The following INSYN2B variants were observed in gnomAD, a reference collection of about 807,000 sequenced individuals.
INSYN2B encodes the protein inhibitory synaptic factor family member 2B.
A neutral mutation model predicts 41.2 loss-of-function variants in INSYN2B; 16 were observed. The ratio of observed to expected loss-of-function variants is 0.39; its 90% CI spans 0.26 to 0.59. INSYN2B has a LOEUF of 0.59. Ranked by LOEUF, INSYN2B falls within the 20% of genes least tolerant of loss-of-function variation. The probability of loss-of-function intolerance (pLI) is 0.57; values close to 1 mark genes in which losing one functional copy is unlikely to be tolerated. For missense variants in INSYN2B, 608 were observed against 646.4 expected (o/e 0.94, Z 0.64); for synonymous variants, 245 against 244.4 (o/e 1.00, Z -0.02).
intron 1 of INSYN2B, among the ~76,000 whole-genome samples, chr5:169,889,718 G>A (rs1002708350): frequency 1.3e-5 from 2 of 152,196 alleles, no homozygotes; most frequent in African/African-American, 2.4e-5. Flanking sequence ...TGCCATTGTG[G>A]CAAGAAATAA....
intron 3 of INSYN2B, among the ~76,000 whole-genome samples, chr5:169,870,178 G>A (rs551503976): frequency 1.1e-4 from 16 of 152,246 alleles, no homozygotes; most frequent in African/African-American, 2.4e-4. Flanking sequence ...ACGGAGCCAC[G>A]TTGCATTTAG....
At chr5:169,873,425 C>G (rs1021399914) in intron 3 of INSYN2B, among the ~76,000 whole-genome samples, 1 of 152,210 alleles carries the variant, frequency 6.6e-6, no homozygotes, top group Admixed American at 6.5e-5. Context: ...CACGGCCCAG[C>G]ATTTGAAATA....
chr5:169,872,351 C>A (rs1772033588), intron 3 of INSYN2B, among the ~76,000 whole-genome samples: 1 of 152,196 alleles, frequency 6.6e-6, no homozygotes, highest in African/African-American at 2.4e-5. Context: ...AGTCTCGGAT[C>A]ACAGGAACTT....
chr5:169,939,578 G>A (rs1416306555), intron 1 of INSYN2B, among the ~76,000 whole-genome samples: 5 of 152,012 alleles, frequency 3.3e-5, no homozygotes, highest in Non-Finnish European at 7.4e-5. Context: ...TTTATATGAC[G>A]GGCAGCACAG....
chr5:169,942,832 A>G (rs887808248), intron 1 of INSYN2B, among the ~76,000 whole-genome samples: 1 of 152,030 alleles, frequency 6.6e-6, no homozygotes, highest in Non-Finnish European at 1.5e-5. Flanking sequence ...CTTGGTCTGA[A>G]CTCTTCCTTT....
At chr5:169,937,785 T>A (rs1416361262) in intron 1 of INSYN2B, among the ~76,000 whole-genome samples, 1 of 152,256 alleles carries the variant, frequency 6.6e-6, no homozygotes, top group Non-Finnish European at 1.5e-5. Flanking sequence ...GGGTCCTCAT[T>A]GTCCCTGGAC....
chr5:169,949,280 CT>C (rs1296652019), intron 1 of INSYN2B, among the ~76,000 whole-genome samples: 1 of 152,288 alleles, frequency 6.6e-6, no homozygotes, highest in African/African-American at 2.4e-5. Flanking sequence ...CCCTCCTGTT[CT>C]TTACTTCCCA....
intron 1 of INSYN2B, among the ~76,000 whole-genome samples, chr5:169,971,459 C>A (rs1352181839): frequency 7.0e-6 from 1 of 141,962 alleles, no homozygotes; most frequent in Non-Finnish European, 1.5e-5. Context: ...TGAAAGACAT[C>A]AGAAGGAATG....
chr5:169,868,994 C>T (rs888008618), intron 3 of INSYN2B, among the ~76,000 whole-genome samples: 4 of 152,148 alleles, frequency 2.6e-5, no homozygotes, highest in South Asian at 2.1e-4. Context: ...TCTCTTCCCA[C>T]GGCTCAGTTG....
intron 1 of INSYN2B, among the ~76,000 whole-genome samples, chr5:169,942,712 C>A (rs1052006675): frequency 2.0e-5 from 3 of 152,140 alleles, no homozygotes; most frequent in Non-Finnish European, 4.4e-5. Context: ...GACACAGCTC[C>A]TGCCCTCCAC....
intron 1 of INSYN2B, among the ~76,000 whole-genome samples, chr5:169,978,614 CTCT>C (rs1333154140): frequency 6.6e-6 from 1 of 152,088 alleles, no homozygotes; most frequent in East Asian, 1.9e-4. Flanking sequence ...TACTGGGTTT[CTCT>C]TCTTCTCTCT....
intron 1 of INSYN2B, among the ~76,000 whole-genome samples, chr5:169,938,891 T>C (rs1382261127): frequency 1.3e-5 from 2 of 149,664 alleles, no homozygotes; most frequent in African/African-American, 4.9e-5. Flanking sequence ...CAAGCATTTT[T>C]CTTTCTTTTT....
At chr5:169,937,847 C>A (rs1776064837) in intron 1 of INSYN2B, among the ~76,000 whole-genome samples, 3 of 152,186 alleles carry the variant, frequency 2.0e-5, no homozygotes, top group Admixed American at 6.5e-5. Flanking sequence ...ACACTGAAAT[C>A]AAATATTTCT....
chr5:169,935,419 C>T (rs1364845169), intron 1 of INSYN2B, among the ~76,000 whole-genome samples: 1 of 152,148 alleles, frequency 6.6e-6, no homozygotes, highest in Non-Finnish European at 1.5e-5. Flanking sequence ...TTCTTGTGTG[C>T]TAAGTCACCA....
chr5:169,972,268 C>T (rs1354551801), intron 1 of INSYN2B, among the ~76,000 whole-genome samples: 1 of 152,106 alleles, frequency 6.6e-6, no homozygotes, highest in African/African-American at 2.4e-5. Flanking sequence ...CAAACCTTAC[C>T]TATAGCATGC....
intron 3 of INSYN2B, among the ~76,000 whole-genome samples, chr5:169,880,337 T>TA (rs1772566746): frequency 6.6e-6 from 1 of 152,220 alleles, no homozygotes; most frequent in Non-Finnish European, 1.5e-5. Flanking sequence ...TATGGTCTCT[T>TA]ACTCATTGAA....
chr5:169,974,913 G>A (rs938664458), intron 1 of INSYN2B, among the ~76,000 whole-genome samples: 1 of 151,904 alleles, frequency 6.6e-6, no homozygotes, highest in Non-Finnish European at 1.5e-5. Flanking sequence ...TTAAAAACTG[G>A]GGTATCCTGA....
chr5:169,959,717 A>T (rs1777006026), intron 1 of INSYN2B, among the ~76,000 whole-genome samples: 1 of 152,222 alleles, frequency 6.6e-6, no homozygotes, highest in Non-Finnish European at 1.5e-5. Context: ...CCTTGACTAG[A>T]TATTTTACTA....
rs561167237 is a variant in INSYN2B at position 169,866,304 on chromosome 5, A to AATT, written c.1422-1848_1422-1846dup. On this transcript the variant is annotated intron_variant, in intron 3 of 3. Transcript: ENST00000377365. The stretch of plus-strand genomic sequence containing the variant: ...ATAGGCCATCATTATATTAAATTAG[A>AATT]ATTGTATTGTGGATGAAACATAGGC... 2.3e-3 allele frequency among the ~76,000 whole-genome samples: 357 copies of AATT among 152,272 alleles called. 3 individuals carry two copies. The highest frequency in any genetic ancestry group is 8.3e-3 in the African/African-American group (343 of 41,526).
Sources: allele counts gnomAD v4.1 joint callset (sites outside exome capture counted in the v4.1 genomes callset), GRCh38; gene constraint gnomAD v4.1.1; transcripts MANE v1.5; gene names NCBI Gene and HGNC (gene_info 2026-07-23, HGNC 2026-07-21).